Variants in NDP observed in about 807,000 individuals in gnomAD.
NDP encodes norrin cystine knot growth factor NDP, also known as norrin.
A neutral mutation model predicts 8.4 loss-of-function variants in NDP; 2 were observed. The ratio of observed to expected loss-of-function variants is 0.24; its 90% CI spans 0.10 to 0.75. The LOEUF is 0.75. Among genes scored for constraint, NDP ranks in the 30% least tolerant of loss-of-function variants. NDP has a pLI of 0.73. For synonymous variants in NDP, 55 were observed against 45.6 expected (o/e 1.21, Z -0.83); for missense variants, 81 against 110.1 (o/e 0.74, Z 1.18).
intron 1 of NDP, among the ~76,000 whole-genome samples, chrX:43,970,818 T>C (rs1307014461): frequency 8.9e-6 from 1 of 111,763 alleles, no homozygotes; most frequent in African/African-American, 3.3e-5. Flanking sequence ...CCATCCCCAA[T>C]AGAGACAGCA....
At chrX:43,955,315 C>A (rs1397200542) in intron 2 of NDP, among the ~76,000 whole-genome samples, 1 of 111,988 alleles carries the variant, frequency 8.9e-6, no homozygotes, top group Non-Finnish European at 1.9e-5. Context: ...TGCTGGACAC[C>A]GCTGGATGCT....
intron 1 of NDP, among the ~76,000 whole-genome samples, chrX:43,968,041 T>C (rs1290778462): frequency 8.9e-6 from 1 of 112,038 alleles, no homozygotes; most frequent in Non-Finnish European, 1.9e-5. Flanking sequence ...GATTTTGCCA[T>C]GAGGGTGAAA....
intron 1 of NDP, among the ~76,000 whole-genome samples, chrX:43,962,285 T>C (rs1335853640): frequency 3.6e-5 from 4 of 110,058 alleles, no homozygotes; most frequent in Non-Finnish European, 7.6e-5. Context: ...TTTTTTTTTT[T>C]TGCCTTGAGT....
chrX:43,961,773 T>C (rs1386940763), intron 1 of NDP, among the ~76,000 whole-genome samples: 2 of 111,716 alleles, frequency 1.8e-5, no homozygotes, highest in African/African-American at 3.3e-5. Context: ...ATTTTAAAAA[T>C]ATTATATTTT....
At position 43,960,231 on chromosome X, in the gene NDP, C is replaced by T. The variant is rs778494649; in HGVS notation, c.-207-1379G>A. 4.5e-5 allele frequency among the ~76,000 whole-genome samples: 5 copies of T among 111,908 alleles called. No individual in the cohort carries two copies. In the South Asian group the frequency reaches 1.9e-3, roughly 42 times the overall value. On this transcript the variant is annotated intron_variant, in intron 1 of 2. Coordinates refer to ENST00000642620, the MANE Select transcript of NDP (RefSeq NM_000266.4). ...GAACCCACCTGGACTTGAGTCCTGG[C>T]ACTGCCATTAATTAGCTGGGGAAGC...
chrX:43,952,287 G>C (rs1172755727), intron 2 of NDP, among the ~76,000 whole-genome samples: 1 of 111,809 alleles, frequency 8.9e-6, no homozygotes, highest in Non-Finnish European at 1.9e-5. Context: ...CCATCTCCCT[G>C]TATGTGGGAA....
chrX:43,949,864 C>G lies in NDP; in HGVS notation c.337G>C (p.Gly113Arg). The change falls in exon 3 of 3, where the codon GGC becomes CGC. Residue 113 changes from glycine (G) to arginine (R), a missense_variant. Transcript: ENST00000642620. Reference sequence around the variant, plus strand: ...CGGTAGGTGGCAGTGAGTCGCATGCCCCCTGAGCATCGCAGCCGCAGTGCC... The same window carrying G: ...CGGTAGGTGGCAGTGAGTCGCATGCGCCCTGAGCATCGCAGCCGCAGTGCC... ...LKALRLRCSG[G>R]MRLTATYRYI... 8.4e-7 allele frequency: 1 copy of G among 1,193,782 alleles called. No homozygotes were observed. The highest frequency in any genetic ancestry group is 1.1e-6 in the Non-Finnish European group (1 of 886,634).
intron 1 of NDP, among the ~76,000 whole-genome samples, chrX:43,964,079 T>TG (rs754903584): frequency 6.3e-5 from 7 of 110,490 alleles, no homozygotes; most frequent in African/African-American, 1.7e-4. Context: ...GCAGGGGTGG[T>TG]GGGGGGGTGA....
At chrX:43,972,195 A>G in intron 1 of NDP, among the ~76,000 whole-genome samples, 1 of 111,746 alleles carries the variant, frequency 8.9e-6, no homozygotes, top group East Asian at 2.8e-4. Flanking sequence ...GTTACAAAGA[A>G]CTGTACAAGG....
At chrX:43,961,073 G>A (rs2035823620) in intron 1 of NDP, among the ~76,000 whole-genome samples, 1 of 112,564 alleles carries the variant, frequency 8.9e-6, no homozygotes, top group Admixed American at 9.4e-5. Context: ...GAGAATTTAA[G>A]AGAATAAAAG....
chrX:43,964,384 G>A (rs2035845176), intron 1 of NDP, among the ~76,000 whole-genome samples: 1 of 111,338 alleles, frequency 9.0e-6, no homozygotes, highest in Admixed American at 9.5e-5. Flanking sequence ...TTGGAGGGTG[G>A]GGAGATGAGC....
intron 2 of NDP, among the ~76,000 whole-genome samples, chrX:43,957,879 C>G (rs5952972): frequency 0.045 from 4,736 of 105,710 alleles, 297 homozygotes; most frequent in African/African-American, 0.15. Flanking sequence ...GCATGATATT[C>G]CCTTGCACAC....
intron 1 of NDP, among the ~76,000 whole-genome samples, chrX:43,959,870 T>C: frequency 8.9e-6 from 1 of 112,411 alleles, no homozygotes. Context: ...TCAAAGGTAT[T>C]TCAGATAAAA....
chrX:43,955,919 C>T (rs2035790399), intron 2 of NDP, among the ~76,000 whole-genome samples: 1 of 112,172 alleles, frequency 8.9e-6, no homozygotes, highest in African/African-American at 3.2e-5. Flanking sequence ...TAAATTATTA[C>T]TGCCAGCAGA....
intron 1 of NDP, among the ~76,000 whole-genome samples, chrX:43,963,385 T>G (rs5952979): frequency 0.27 from 30,186 of 110,593 alleles, 3,270 homozygotes; most frequent in African/African-American, 0.35. Flanking sequence ...ACATCTAATT[T>G]GTATCCAGTA....
In NDP at chrX:43,958,355, C is replaced by T. The variant is rs1282343671; in HGVS notation, c.174+117G>A. The T allele has an allele frequency of 4.4e-6, 4 of 899,085 alleles. No homozygotes were observed. The Admixed American group carries it at 6.8e-5, about 15-fold the overall frequency. The allele number at this position is 899,085 out of a possible 1,213,427, so 74.1% of individuals were successfully genotyped here. ...CTCATTCTCCCACAAGCCCTGTGGG[C>T]CAGCCACATCACTTAAGTTTGGGCT... is the stretch of plus-strand genomic sequence containing the variant. On this transcript the variant is annotated intron_variant, in intron 2 of 2. Coordinates refer to ENST00000642620, the MANE Select transcript of NDP (RefSeq NM_000266.4).
At chrX:43,954,338 G>C (rs764460455) in intron 2 of NDP, among the ~76,000 whole-genome samples, 1 of 110,841 alleles carries the variant, frequency 9.0e-6, no homozygotes, top group East Asian at 2.9e-4. Context: ...GGCTTTGAAA[G>C]GGTGGATGGG....
chrX:43,962,818 C>T (rs1225041284), intron 1 of NDP, among the ~76,000 whole-genome samples: 3 of 111,714 alleles, frequency 2.7e-5, no homozygotes, highest in African/African-American at 6.5e-5. Flanking sequence ...CTGGCGTGCC[C>T]GACTTTGGAG....
chrX:43,963,290 C>A (rs1007649615), intron 1 of NDP, among the ~76,000 whole-genome samples: 1 of 111,736 alleles, frequency 8.9e-6, no homozygotes, highest in Non-Finnish European at 1.9e-5. Flanking sequence ...TCCTCGATCC[C>A]TCTTCTAGCT....
Sources: gnomAD v4.1 joint callset for allele counts (sites outside exome capture counted in the v4.1 genomes callset) on GRCh38, gnomAD v4.1.1 for gene constraint, MANE v1.5 for transcripts, NCBI Gene and HGNC (gene_info 2026-07-23, HGNC 2026-07-21) for gene names.